Variants in AKAP6 observed in about 807,000 individuals in gnomAD.
The protein encoded by AKAP6 is A-kinase anchor protein 6.
A neutral mutation model predicts 188.5 loss-of-function variants in AKAP6; 58 were observed. The ratio of observed to expected loss-of-function variants is 0.31; its 90% CI spans 0.25 to 0.38. The LOEUF is 0.38. Ranked by LOEUF, AKAP6 falls within the 10% of genes least tolerant of loss-of-function variation. The pLI is 1.00. For missense variants in AKAP6, 2,710 were observed against 2,740.0 expected (o/e 0.99, Z 0.24); for synonymous variants, 989 against 998.6 (o/e 0.99, Z 0.18).
intron 1 of AKAP6, among the ~76,000 whole-genome samples, chr14:32,382,817 G>A (rs781204545): frequency 6.6e-5 from 10 of 152,150 alleles, no homozygotes; most frequent in Non-Finnish European, 1.5e-4. Context: ...ACAGGGGAAG[G>A]ATGCAGTGAT....
intron 11 of AKAP6, among the ~76,000 whole-genome samples, chr14:32,750,537 C>A (rs530168261): frequency 6.6e-6 from 1 of 150,876 alleles, no homozygotes; most frequent in African/African-American, 2.4e-5. Flanking sequence ...GCCTGGGCAA[C>A]ATAGTAAGAC....
chr14:32,428,482 T>C (rs1287021395), intron 1 of AKAP6, among the ~76,000 whole-genome samples: 1 of 152,040 alleles, frequency 6.6e-6, no homozygotes, highest in East Asian at 1.9e-4. Flanking sequence ...CTTCATATTG[T>C]TTGGCCACAA....
At chr14:32,369,927 A>G (rs1029587743) in intron 1 of AKAP6, among the ~76,000 whole-genome samples, 1 of 152,194 alleles carries the variant, frequency 6.6e-6, no homozygotes, top group Non-Finnish European at 1.5e-5. Context: ...GCTACTCAGG[A>G]GGTTGAGGCA....
intron 7 of AKAP6, among the ~76,000 whole-genome samples, chr14:32,662,045 G>T (rs1888724102): frequency 6.6e-6 from 1 of 151,946 alleles, no homozygotes; most frequent in African/African-American, 2.4e-5. Flanking sequence ...ACTGAAGTAG[G>T]TGAACCCAGG....
intron 2 of AKAP6, among the ~76,000 whole-genome samples, chr14:32,478,536 G>A (rs1879184645): frequency 6.6e-6 from 1 of 152,058 alleles, no homozygotes; most frequent in Non-Finnish European, 1.5e-5. Context: ...CATCAGAGGA[G>A]ACCTCTACCA....
intron 12 of AKAP6, among the ~76,000 whole-genome samples, chr14:32,774,588 T>G (rs1194353534): frequency 6.6e-6 from 1 of 152,196 alleles, no homozygotes; most frequent in Non-Finnish European, 1.5e-5. Flanking sequence ...TAGAAGTTGT[T>G]TCCTTGTAAT....
At chr14:32,416,604 G>T (rs896073776) in intron 1 of AKAP6, among the ~76,000 whole-genome samples, 3 of 151,934 alleles carry the variant, frequency 2.0e-5, no homozygotes, top group African/African-American at 7.2e-5. Flanking sequence ...GCCCAGGCTG[G>T]AGTGCAGTGA....
chr14:32,667,232 CCAAAAACAA>C (rs1888982257), intron 7 of AKAP6, among the ~76,000 whole-genome samples: 2 of 151,874 alleles, frequency 1.3e-5, no homozygotes, highest in African/African-American at 4.8e-5. Flanking sequence ...CAGCTGAATG[CCAAAAACAA>C]CAGACACCCA....
chr14:32,678,474 T>C lies in AKAP6; in HGVS notation c.2879+15T>C, dbSNP rs1376134279. The C allele has an allele frequency of 1.2e-6, 2 of 1,612,648 alleles. No individual in the cohort carries two copies. Among genetic ancestry groups the C allele is most frequent in the East Asian group, 2.2e-5 (1 of 44,796 alleles). ...GGAAGCAATGGGTAGGGAACTATTC[T>C]TTTTGTTGTTTTATTCTCACTAATC... On this transcript the variant is annotated intron_variant, in intron 8 of 13. Transcript: ENST00000280979.
intron 7 of AKAP6, among the ~76,000 whole-genome samples, chr14:32,635,422 A>T (rs986860577): frequency 4.6e-5 from 7 of 152,112 alleles, no homozygotes; most frequent in Non-Finnish European, 8.8e-5. Flanking sequence ...TGTATCAATC[A>T]CTAAAAAGAA....
chr14:32,679,221 T>A (rs556924876), intron 8 of AKAP6, among the ~76,000 whole-genome samples: 2 of 152,196 alleles, frequency 1.3e-5, no homozygotes, highest in African/African-American at 4.8e-5. Flanking sequence ...AAAAAGTGTA[T>A]ATATTTTTTC....
At chr14:32,748,933 A>T (rs368392208) in intron 11 of AKAP6, among the ~76,000 whole-genome samples, 2,513 of 152,170 alleles carry the variant, frequency 0.017, 62 homozygotes, top group African/African-American at 0.057. Context: ...TTGCATTATG[A>T]GTGCACACAC....
At chr14:32,536,621 A>C (rs566534717) in intron 3 of AKAP6, among the ~76,000 whole-genome samples, 2 of 152,312 alleles carry the variant, frequency 1.3e-5, no homozygotes, top group East Asian at 3.9e-4. Context: ...AGATACAGTG[A>C]ATCAAATGGA....
chr14:32,514,795 G>A (rs1453513218), intron 2 of AKAP6, among the ~76,000 whole-genome samples: 2 of 152,184 alleles, frequency 1.3e-5, no homozygotes, highest in African/African-American at 2.4e-5. Flanking sequence ...TCTTGCCTGG[G>A]AAAGGATAAG....
At chr14:32,642,986 TA>T (rs558387159) in intron 7 of AKAP6, among the ~76,000 whole-genome samples, 1,591 of 152,180 alleles carry the variant, frequency 0.01, 16 homozygotes, top group South Asian at 0.015. Flanking sequence ...TTCATTACAA[TA>T]AAAAAAGTTT....
intron 4 of AKAP6, among the ~76,000 whole-genome samples, chr14:32,557,523 G>A (rs991612835): frequency 1.3e-5 from 2 of 152,162 alleles, no homozygotes; most frequent in African/African-American, 2.4e-5. Flanking sequence ...TTGCAATCAC[G>A]ATTCTGCTAT....
At chr14:32,767,145 G>A (rs2032744517) in intron 11 of AKAP6, among the ~76,000 whole-genome samples, 1 of 151,930 alleles carries the variant, frequency 6.6e-6, no homozygotes, top group Admixed American at 6.6e-5. Context: ...TCTTTAATAT[G>A]CCATAATTAA....
intron 7 of AKAP6, among the ~76,000 whole-genome samples, chr14:32,649,721 A>C (rs377003460): frequency 9.2e-5 from 14 of 152,202 alleles, no homozygotes; most frequent in African/African-American, 3.1e-4. Context: ...AAATCACTTT[A>C]CATAATTTAT....
rs1044410219 is a variant in AKAP6 at position 32,578,970 on chromosome 14, G to T, written c.2469+1728G>T. Among the ~76,000 whole-genome samples the T allele has an allele frequency of 2.0e-5, 3 of 152,102 alleles. 1 individual carries two copies. Among genetic ancestry groups the T allele is most frequent in the Non-Finnish European group, 4.4e-5 (3 of 68,008 alleles). On this transcript the variant is annotated intron_variant, in intron 5 of 13. Transcript: ENST00000280979. ...CCCAATGCAGTTCACTGGAGCTTTT[G>T]GTGACGATGGAATATTCTATATTGC...
Sources: allele counts gnomAD v4.1 joint callset (sites outside exome capture counted in the v4.1 genomes callset), GRCh38; gene constraint gnomAD v4.1.1; transcripts MANE v1.5; gene names NCBI Gene and HGNC (gene_info 2026-07-23, HGNC 2026-07-21).